Variants in FARP1 observed in about 807,000 individuals in gnomAD.
FARP1 encodes FERM, ARHGEF and pleckstrin domain-containing protein 1.
Under a neutral mutation model 128.8 loss-of-function variants are expected in FARP1, and 52 were observed. The ratio of observed to expected loss-of-function variants is 0.40; its 90% confidence interval spans 0.32 to 0.51. FARP1 has a LOEUF of 0.51. FARP1 is among the 20% of genes least tolerant of loss of function. The pLI is 0.45. For synonymous variants in FARP1, 580 were observed against 551.8 expected, an observed-to-expected ratio of 1.05 and a Z score of -0.72; for missense variants, 1,333 against 1,367.9, an observed-to-expected ratio of 0.97 and a Z score of 0.40.
rs1893156237 is a variant in FARP1, at chr13:98,450,866, T to C, written c.*2549T>C. 1 of 152,250 alleles carries C rather than the reference T, an allele frequency of 6.6e-6. No individual in the cohort carries two copies. Among genetic ancestry groups the C allele is most frequent in the African/African-American group, 2.4e-5 (1 of 41,462 alleles). 9.4% of individuals were successfully genotyped at this position (152,250 alleles called of 1,614,324 possible). On this transcript the variant is annotated 3_prime_UTR_variant, in exon 27 of 27. Transcript: ENST00000319562. The stretch of plus-strand genomic sequence containing the variant: ...CCCTTAAAAACATTGGGGCTGATTT[T>C]GTGCGTCTACAGAAAGTAACAGCCC...
At chr13:98,386,363 T>C (rs1445512057) in intron 8 of FARP1, among the ~76,000 whole-genome samples, 1 of 152,186 alleles carries the variant, frequency 6.6e-6, no homozygotes, top group Non-Finnish European at 1.5e-5. Flanking sequence ...CTTGAATTCT[T>C]ACTTGTATTC....
chr13:98,246,426 A>T (rs1386963000), intron 2 of FARP1, among the ~76,000 whole-genome samples: 1 of 152,118 alleles, frequency 6.6e-6, no homozygotes, highest in African/African-American at 2.4e-5. Flanking sequence ...TCTGTAGATC[A>T]GCAAAAATAA....
intron 12 of FARP1, 146 bp from the exon 13 acceptor site, chr13:98,395,081 G>A: frequency 1.1e-6 from 1 of 869,954 alleles, no homozygotes; most frequent in Admixed American, 3.2e-5. Context: ...CTCCGTGATT[G>A]CTGCTAGGCC....
At chr13:98,161,880 A>G (rs1412858475) in intron 1 of FARP1, among the ~76,000 whole-genome samples, 1 of 152,030 alleles carries the variant, frequency 6.6e-6, no homozygotes, top group East Asian at 1.9e-4. Flanking sequence ...CCTAGGCCCA[A>G]GTGATCCACC....
intron 3 of FARP1, among the ~76,000 whole-genome samples, chr13:98,355,776 G>T (rs1312747891): frequency 6.6e-5 from 10 of 151,696 alleles, no homozygotes; most frequent in African/African-American, 2.4e-4. Context: ...TTTTTTTGTG[G>T]CATCCCACAA....
At chr13:98,438,168 G>C (rs772595239) in intron 19 of FARP1, among the ~76,000 whole-genome samples, 30 of 152,012 alleles carry the variant, frequency 2.0e-4, no homozygotes, top group Non-Finnish European at 3.7e-4. Context: ...GTACAGCCCC[G>C]GGGAGGATGT....
Position 98,292,583 on chromosome 13 carries a change from C to T in FARP1, c.172-51179C>T, listed in dbSNP as rs138979545. Among the ~76,000 whole-genome samples the T allele has an allele frequency of 4.4e-3, 673 of 152,312 alleles. 7 individuals carry two copies. The highest frequency in any genetic ancestry group is 0.014 in the African/African-American group (598 of 41,552). Reference sequence around the variant, plus strand: ...GTTGCACTAGCCATACTCAAGGGCTCATTAGCCATCTGTGGCCAGTGGCTA... The same window carrying T: ...GTTGCACTAGCCATACTCAAGGGCTTATTAGCCATCTGTGGCCAGTGGCTA... On this transcript the variant is annotated intron_variant, in intron 2 of 26. Transcript: ENST00000319562.
chr13:98,286,387 C>G (rs1183926439), intron 2 of FARP1, among the ~76,000 whole-genome samples: 1 of 152,120 alleles, frequency 6.6e-6, no homozygotes, highest in Non-Finnish European at 1.5e-5. Context: ...CCCATAGTTC[C>G]CACGTGTTGT....
intron 12 of FARP1, among the ~76,000 whole-genome samples, chr13:98,394,054 G>A (rs564206887): frequency 1.3e-5 from 2 of 152,340 alleles, no homozygotes; most frequent in East Asian, 3.9e-4. Context: ...GTCCACTTGG[G>A]AAGAGATGGG....
chr13:98,239,833 C>G (rs1322506075), intron 2 of FARP1, among the ~76,000 whole-genome samples: 2 of 152,100 alleles, frequency 1.3e-5, no homozygotes, highest in Non-Finnish European at 2.9e-5. Flanking sequence ...CCTGGACTTG[C>G]TGGTGGGGCT....
intron 14 of FARP1, among the ~76,000 whole-genome samples, chr13:98,410,008 G>C (rs1470927498): frequency 2.6e-5 from 4 of 152,206 alleles, no homozygotes; most frequent in African/African-American, 9.7e-5. Context: ...TCTGTTAATG[G>C]ACAGTCATGT....
At chr13:98,164,276 T>G (rs1877090588) in intron 1 of FARP1, among the ~76,000 whole-genome samples, 1 of 151,934 alleles carries the variant, frequency 6.6e-6, no homozygotes, top group Admixed American at 6.5e-5. Flanking sequence ...GCGTTTGTTT[T>G]CACCATATGG....
At chr13:98,233,314 C>T (rs1882237590) in intron 2 of FARP1, among the ~76,000 whole-genome samples, 1 of 152,158 alleles carries the variant, frequency 6.6e-6, no homozygotes, top group Admixed American at 6.5e-5. Context: ...TGATGCCTGT[C>T]AGCCAGGCTG....
intron 13 of FARP1, chr13:98,403,446 A>G (rs1296161798): frequency 6.6e-6 from 1 of 152,204 alleles, no homozygotes; most frequent in East Asian, 1.9e-4. Flanking sequence ...TTGAATGGAA[A>G]CATCTATTTC....
At chr13:98,270,492 C>A (rs1383495278) in intron 2 of FARP1, among the ~76,000 whole-genome samples, 1 of 152,148 alleles carries the variant, frequency 6.6e-6, no homozygotes, top group Non-Finnish European at 1.5e-5. Flanking sequence ...AATGCCTCAG[C>A]GTATCTTCCT....
At chr13:98,375,238 T>A (rs1889531726) in intron 5 of FARP1, among the ~76,000 whole-genome samples, 2 of 152,348 alleles carry the variant, frequency 1.3e-5, no homozygotes, top group Middle Eastern at 6.8e-3. Flanking sequence ...TCATATTTCC[T>A]TTGCCCTATG....
intron 2 of FARP1, 67 bp from the exon 3 acceptor site, chr13:98,343,695 C>T (rs61968363): frequency 1.0e-4 from 115 of 1,097,226 alleles, no homozygotes; most frequent in Middle Eastern, 1.0e-3. Context: ...TTTCCTGCAG[C>T]GAGGAGCTGT....
intron 16 of FARP1, among the ~76,000 whole-genome samples, chr13:98,419,731 C>A (rs1310242707): frequency 6.6e-6 from 1 of 152,104 alleles, no homozygotes; most frequent in African/African-American, 2.4e-5. Context: ...ATTGGTGTTG[C>A]AAGTGAAGAC....
intron 2 of FARP1, chr13:98,328,993 C>T (rs1440333499): frequency 6.6e-6 from 1 of 152,180 alleles, no homozygotes; most frequent in Non-Finnish European, 1.5e-5. Flanking sequence ...AAGGGAGGGG[C>T]CTCCTGTACT....
Sources: allele counts gnomAD v4.1 joint callset (sites outside exome capture counted in the v4.1 genomes callset), GRCh38; gene constraint gnomAD v4.1.1; transcripts MANE v1.5; gene names NCBI Gene and HGNC (gene_info 2026-07-23, HGNC 2026-07-21).